The following EEF1AKMT1 variants were observed in gnomAD, a reference collection of about 807,000 sequenced individuals.
EEF1AKMT1 encodes the protein EEF1A lysine methyltransferase 1.
Under a neutral mutation model 21.0 loss-of-function variants are expected in EEF1AKMT1, and 18 were observed. The ratio of observed to expected loss-of-function variants is 0.86; its 90% CI spans 0.59 to 1.27. The LOEUF (loss-of-function observed/expected upper bound fraction) is 1.27. Ranked by LOEUF, EEF1AKMT1 falls within the 50% of genes most tolerant of loss-of-function variation. EEF1AKMT1 has a pLI of 0.00. For synonymous variants in EEF1AKMT1, 109 were observed against 94.8 expected, an observed-to-expected ratio of 1.15 and a Z score of -0.87; for missense variants, 246 against 258.6, an observed-to-expected ratio of 0.95 and a Z score of 0.33.
chr13:20,762,765 C>T (rs1238286926), intron 1 of EEF1AKMT1, among the ~76,000 whole-genome samples: 1 of 152,148 alleles, frequency 6.6e-6, no homozygotes, highest in Non-Finnish European at 1.5e-5. Context: ...CCTCCTGCCT[C>T]AGCCTCCGAA....
chr13:20,770,646 G>C (rs1375307667), intron 1 of EEF1AKMT1, among the ~76,000 whole-genome samples: 1 of 152,104 alleles, frequency 6.6e-6, no homozygotes, highest in Non-Finnish European at 1.5e-5. Flanking sequence ...TTTCAATTTG[G>C]TATTTCAGAA....
chr13:20,744,550 ATTTG>A (rs2058891860), intron 2 of EEF1AKMT1, among the ~76,000 whole-genome samples: 2 of 152,040 alleles, frequency 1.3e-5, no homozygotes, highest in South Asian at 4.1e-4. Flanking sequence ...TTTCTTGTAA[ATTTG>A]TTTATGTTCC....
At chr13:20,743,347 G>C (rs1002587985) in intron 2 of EEF1AKMT1, among the ~76,000 whole-genome samples, 1 of 152,140 alleles carries the variant, frequency 6.6e-6, no homozygotes, top group Non-Finnish European at 1.5e-5. Flanking sequence ...GATTATAAGC[G>C]TGAGCCAACG....
At chr13:20,733,785 C>T (rs1341288626) in intron 3 of EEF1AKMT1, among the ~76,000 whole-genome samples, 1 of 152,114 alleles carries the variant, frequency 6.6e-6, no homozygotes, top group East Asian at 1.9e-4. Flanking sequence ...ATTCCTTTGT[C>T]ACGTTTGGAT....
intron 2 of EEF1AKMT1, among the ~76,000 whole-genome samples, chr13:20,745,374 G>T (rs577908164): frequency 4.6e-5 from 7 of 152,228 alleles, no homozygotes; most frequent in African/African-American, 1.4e-4. Context: ...GTAGTTTGTA[G>T]TTCTCCTTGA....
At chr13:20,733,678 T>C (rs73435277) in intron 3 of EEF1AKMT1, among the ~76,000 whole-genome samples, 44 of 152,316 alleles carry the variant, frequency 2.9e-4, no homozygotes, top group African/African-American at 9.6e-4. Context: ...ACAGGTGACC[T>C]CTAGAAGGTG....
intron 1 of EEF1AKMT1, among the ~76,000 whole-genome samples, chr13:20,773,520 ACTT>A (rs1230159250): frequency 6.6e-6 from 1 of 152,220 alleles, no homozygotes; most frequent in Non-Finnish European, 1.5e-5. Flanking sequence ...CCATCAGCGA[ACTT>A]CTGAGGGCAA....
At chr13:20,730,616 T>C (rs1456697001) in intron 4 of EEF1AKMT1, among the ~76,000 whole-genome samples, 4 of 152,280 alleles carry the variant, frequency 2.6e-5, no homozygotes, top group Middle Eastern at 3.4e-3. Context: ...ATCATCCCAC[T>C]GAGAGGTGAA....
chr13:20,745,902 T>C (rs532803617), intron 2 of EEF1AKMT1, among the ~76,000 whole-genome samples: 1 of 152,228 alleles, frequency 6.6e-6, no homozygotes, highest in Non-Finnish European at 1.5e-5. Context: ...AAAATGACTA[T>C]AACAATTAAA....
chr13:20,765,105 CA>C (rs963438613), intron 1 of EEF1AKMT1, among the ~76,000 whole-genome samples: 1 of 151,670 alleles, frequency 6.6e-6, no homozygotes, highest in African/African-American at 2.4e-5. Flanking sequence ...ACTAAAAATA[CA>C]AAAAACTAGC....
In EEF1AKMT1 at chr13:20,731,701, A is replaced by G. The variant is rs1262755179; in HGVS notation, c.508+140T>C. 4.7e-6 allele frequency: 4 copies of G among 857,952 alleles called. No homozygotes were observed. The African/African-American group carries it at 6.8e-5, about 15-fold the overall frequency. 53.1% of individuals were successfully genotyped at this position (857,952 alleles called of 1,614,324 possible). On this transcript the variant is annotated intron_variant, in intron 4 of 4. Transcript: ENST00000382758. ...GTATTATCAGTCCTAGTTTACAGATAAGGAATCCAGGGCACAAAGAGTTAA... is the reference window on the plus strand; with the variant it reads ...GTATTATCAGTCCTAGTTTACAGATGAGGAATCCAGGGCACAAAGAGTTAA...
At chr13:20,773,663 C>A (rs1389050663) in intron 1 of EEF1AKMT1, among the ~76,000 whole-genome samples, 3 of 152,240 alleles carry the variant, frequency 2.0e-5, no homozygotes, top group African/African-American at 7.2e-5. Flanking sequence ...CGCCAACGTG[C>A]GCGGCACAGG....
intron 1 of EEF1AKMT1, among the ~76,000 whole-genome samples, chr13:20,758,990 G>A (rs1044166245): frequency 1.3e-5 from 2 of 152,090 alleles, no homozygotes; most frequent in African/African-American, 2.4e-5. Context: ...AAAACTGGAC[G>A]CCTACCTCTC....
chr13:20,731,230 T>A (rs1388030083), intron 4 of EEF1AKMT1, among the ~76,000 whole-genome samples: 1 of 152,256 alleles, frequency 6.6e-6, no homozygotes, highest in Non-Finnish European at 1.5e-5. Context: ...CAGCCTGGTC[T>A]AGAACTCCTT....
intron 2 of EEF1AKMT1, among the ~76,000 whole-genome samples, chr13:20,741,496 C>T (rs149969234): frequency 0.015 from 1,960 of 130,562 alleles, 19 homozygotes; most frequent in Middle Eastern, 0.076. Context: ...CTTGCTCTGT[C>T]GCCAGGCTGG....
At chr13:20,765,916 A>G (rs1264891358) in intron 1 of EEF1AKMT1, among the ~76,000 whole-genome samples, 1 of 152,116 alleles carries the variant, frequency 6.6e-6, no homozygotes, top group Non-Finnish European at 1.5e-5. Context: ...TTATAATCAT[A>G]ATGAGATACC....
chr13:20,732,265 G>T, intron 3 of EEF1AKMT1, 144 bp from the exon 4 acceptor site: 2 of 840,362 alleles, frequency 2.4e-6, no homozygotes, highest in Non-Finnish European at 1.8e-6. Context: ...AATAGTTAAT[G>T]TTGAGAAAAA....
At position 20,748,715 on chromosome 13, in the gene EEF1AKMT1, G is replaced by GGTTTTTTTTTT. The variant is rs1555326495; in HGVS notation, c.144+8739_144+8740insAAAAAAAAAAC. Among the ~76,000 whole-genome samples the GGTTTTTTTTTT allele has an allele frequency of 9.7e-4, 103 of 105,796 alleles. 6 individuals are homozygous for GGTTTTTTTTTT. The highest frequency in any genetic ancestry group is 6.3e-3 in the Middle Eastern group (1 of 158). 69.4% of individuals were successfully genotyped at this position (105,796 alleles called of 152,430 possible). On this transcript the variant is annotated intron_variant, in intron 2 of 4. Coordinates refer to ENST00000382758, the MANE Select transcript of EEF1AKMT1 (RefSeq NM_001318939.2). ...TTCTTCACCCTCCTAATGTATAGTT[G>GGTTTTTTTTTT]TTTTTTTTTGGTTTTTTTTTTTTTT... is the stretch of plus-strand genomic sequence containing the variant.
chr13:20,729,340 G>T (rs550789779), intron 4 of EEF1AKMT1, 124 bp from the exon 5 acceptor site: 2 of 1,100,506 alleles, frequency 1.8e-6, no homozygotes, highest in African/African-American at 3.1e-5. Context: ...TCACAAGTGG[G>T]GGGAGGGAGC....
Sources: gnomAD v4.1 joint callset for allele counts (sites outside exome capture counted in the v4.1 genomes callset) on GRCh38, gnomAD v4.1.1 for gene constraint, MANE v1.5 for transcripts, NCBI Gene and HGNC (gene_info 2026-07-23, HGNC 2026-07-21) for gene names.